The following CACNA1D variants were observed in gnomAD, a reference collection of about 807,000 sequenced individuals.
The protein encoded by CACNA1D is calcium voltage-gated channel subunit alpha1 D.
CACNA1D carries 55 observed loss-of-function variants against 257.1 expected under a neutral mutation model. The ratio of observed to expected loss-of-function variants is 0.21; its 90% CI spans 0.17 to 0.27. CACNA1D has a LOEUF of 0.27. CACNA1D is among the 10% of genes least tolerant of loss of function. CACNA1D has a pLI of 1.00. For missense variants in CACNA1D, 1,876 were observed against 2,784.0 expected (o/e 0.67, Z 7.34); for synonymous variants, 980 against 1,014.9 (o/e 0.97, Z 0.65).
chr3:53,681,724 C>G (rs765108035), intron 8 of CACNA1D, among the ~76,000 whole-genome samples: 1 of 152,170 alleles, frequency 6.6e-6, no homozygotes, highest in Non-Finnish European at 1.5e-5. Flanking sequence ...ATTACAAACT[C>G]GTATAAATGC....
At chr3:53,525,519 G>A (rs1024735975) in intron 3 of CACNA1D, among the ~76,000 whole-genome samples, 1 of 152,174 alleles carries the variant, frequency 6.6e-6, no homozygotes, top group South Asian at 2.1e-4. Flanking sequence ...TTTGCAGTAG[G>A]GGAGGTGGGC....
At chr3:53,532,278 G>C (rs2091975843) in intron 3 of CACNA1D, among the ~76,000 whole-genome samples, 1 of 152,232 alleles carries the variant, frequency 6.6e-6, no homozygotes, top group African/African-American at 2.4e-5. Context: ...AAATGAATAA[G>C]GGAGAGAGAA....
At chr3:53,703,518 C>T (rs921710876) in intron 9 of CACNA1D, among the ~76,000 whole-genome samples, 1 of 152,240 alleles carries the variant, frequency 6.6e-6, no homozygotes, top group African/African-American at 2.4e-5. Flanking sequence ...CACAGATGCG[C>T]TCTTATTCTC....
intron 3 of CACNA1D, among the ~76,000 whole-genome samples, chr3:53,605,652 A>G (rs528549996): frequency 6.6e-6 from 1 of 152,216 alleles, no homozygotes; most frequent in African/African-American, 2.4e-5. Context: ...AGACATGGCG[A>G]TCCAAAATTT....
chr3:53,674,930 G>T (rs1290214904), intron 8 of CACNA1D, among the ~76,000 whole-genome samples: 1 of 152,214 alleles, frequency 6.6e-6, no homozygotes, highest in Non-Finnish European at 1.5e-5. Context: ...TTCCGAGGCT[G>T]TATCTCGGGG....
chr3:53,565,569 C>T (rs2092819661), intron 3 of CACNA1D, among the ~76,000 whole-genome samples: 1 of 152,146 alleles, frequency 6.6e-6, no homozygotes. Context: ...GAAAATCAGT[C>T]TGGTAGATTA....
chr3:53,537,209 ATTC>A (rs2092140723), intron 3 of CACNA1D, among the ~76,000 whole-genome samples: 1 of 152,188 alleles, frequency 6.6e-6, no homozygotes, highest in Non-Finnish European at 1.5e-5. Flanking sequence ...TAGAATATAT[ATTC>A]TTTTCAAAAG....
intron 8 of CACNA1D, among the ~76,000 whole-genome samples, chr3:53,694,096 G>A (rs896317649): frequency 3.9e-5 from 6 of 152,212 alleles, no homozygotes; most frequent in Non-Finnish European, 5.9e-5. Context: ...CAGCCTGGGC[G>A]TGCTGTCTCC....
intron 3 of CACNA1D, among the ~76,000 whole-genome samples, chr3:53,544,713 T>C (rs1220227022): frequency 6.6e-6 from 1 of 152,202 alleles, no homozygotes; most frequent in East Asian, 1.9e-4. Flanking sequence ...GGGGATGGCA[T>C]ATTTAGATGC....
chr3:53,726,341 A>G (rs1347725654), intron 14 of CACNA1D, among the ~76,000 whole-genome samples: 1 of 152,200 alleles, frequency 6.6e-6, no homozygotes, highest in Non-Finnish European at 1.5e-5. Context: ...TGTAATCAAA[A>G]AGCACATAAA....
chr3:53,540,455 C>T (rs897023577), intron 3 of CACNA1D, among the ~76,000 whole-genome samples: 5 of 151,648 alleles, frequency 3.3e-5, no homozygotes, highest in Admixed American at 6.6e-5. Context: ...TATTGTAGGA[C>T]GTCTTCCTCC....
In CACNA1D at chr3:53,810,128, G is replaced by A; in HGVS notation, c.6022G>A (p.Ala2008Thr). The A allele has an allele frequency of 2.5e-6, 4 of 1,613,998 alleles. No individual in the cohort carries two copies. Among genetic ancestry groups the A allele is most frequent in the Non-Finnish European group, 3.4e-6 (4 of 1,180,036 alleles). ...CCTGATCCAAGTGGAGCAGTCAGAG[G>A]CCCTGGACCAGGTGAACGGCAGCCT... ...TPLIQVEQSE[A>T]LDQVNGSLPS... Residue 2008 changes from alanine (A) to threonine (T), a missense_variant, in exon 47 of 48, where the codon GCC becomes ACC. Ala to Thr is a moderately conservative substitution (Grantham distance 58, BLOSUM62 0). Transcript: ENST00000350061.
chr3:53,714,878 A>T (rs73840930), intron 9 of CACNA1D, among the ~76,000 whole-genome samples: 2,808 of 152,290 alleles, frequency 0.018, 84 homozygotes, highest in African/African-American at 0.063. Flanking sequence ...AAAAACATAG[A>T]TGAGATCCTA....
intron 17 of CACNA1D, 148 bp downstream of exon 17, chr3:53,731,294 G>A: frequency 1.5e-6 from 1 of 660,970 alleles, no homozygotes; most frequent in Non-Finnish European, 2.7e-6. Context: ...ATAGACCCTG[G>A]CTTCCCAGGG....
intron 3 of CACNA1D, among the ~76,000 whole-genome samples, chr3:53,586,927 T>C (rs1000802005): frequency 2.0e-5 from 3 of 152,054 alleles, no homozygotes; most frequent in Admixed American, 1.3e-4. Context: ...AACCTAACCT[T>C]GTCTGAGGGT....
chr3:53,586,276 C>CTGTGTGTGTGTGTGTG, intron 3 of CACNA1D, among the ~76,000 whole-genome samples: 2 of 135,938 alleles, frequency 1.5e-5, no homozygotes, highest in Non-Finnish European at 3.2e-5. Flanking sequence ...TGCCTCTATT[C>CTGTGTGTGTGTGTGTG]TGTGTGTGTG....
At chr3:53,601,819 C>T (rs1405324882) in intron 3 of CACNA1D, among the ~76,000 whole-genome samples, 4 of 152,144 alleles carry the variant, frequency 2.6e-5, no homozygotes, top group Non-Finnish European at 5.9e-5. Flanking sequence ...CAAGCGATTC[C>T]CCTGCCTCAG....
intron 32 of CACNA1D, among the ~76,000 whole-genome samples, chr3:53,772,110 A>G (rs1288045944): frequency 6.6e-6 from 1 of 152,242 alleles, no homozygotes; most frequent in Non-Finnish European, 1.5e-5. Flanking sequence ...AGCAGTTGAC[A>G]TTCAGTGAAA....
At chr3:53,733,235 C>T (rs2108773659) in intron 19 of CACNA1D, among the ~76,000 whole-genome samples, 1 of 152,348 alleles carries the variant, frequency 6.6e-6, no homozygotes, top group East Asian at 1.9e-4. Context: ...CCTGCCTTCA[C>T]CCCTGCATGG....
Sources: gnomAD v4.1 joint callset for allele counts (sites outside exome capture counted in the v4.1 genomes callset) on GRCh38, gnomAD v4.1.1 for gene constraint, MANE v1.5 for transcripts, NCBI Gene and HGNC (gene_info 2026-07-23, HGNC 2026-07-21) for gene names.